The following NAV1 variants were observed in gnomAD, a reference collection of about 807,000 sequenced individuals.
The protein encoded by NAV1 is neuron navigator 1, also known as pore membrane and/or filament interacting like protein 3.
NAV1 carries 18 observed loss-of-function variants against 175.2 expected under a neutral mutation model. The observed-to-expected ratio is 0.10, with a 90% CI of 0.07 to 0.15. The LOEUF is 0.15. Among genes scored for constraint, NAV1 ranks in the 10% least tolerant of loss-of-function variants. The pLI is 1.00. For missense variants in NAV1, 1,731 were observed against 2,436.6 expected (o/e 0.71, Z 6.10); for synonymous variants, 897 against 978.7 (o/e 0.92, Z 1.56).
intron 3 of NAV1, among the ~76,000 whole-genome samples, chr1:201,726,619 G>T (rs1270187777): frequency 7.1e-6 from 1 of 141,288 alleles, no homozygotes; most frequent in African/African-American, 2.7e-5. Flanking sequence ...CTCCACTCCA[G>T]CCTGGGCAAC....
intron 15 of NAV1, among the ~76,000 whole-genome samples, chr1:201,799,592 G>T (rs188561502): frequency 6.7e-6 from 1 of 148,310 alleles, no homozygotes; most frequent in African/African-American, 2.6e-5. Context: ...AGGTGCGGTG[G>T]CTCACGCCTA....
At chr1:201,762,058 G>C (rs1448634915) in intron 3 of NAV1, among the ~76,000 whole-genome samples, 1 of 152,232 alleles carries the variant, frequency 6.6e-6, no homozygotes, top group Non-Finnish European at 1.5e-5. Flanking sequence ...TACTCAGGAA[G>C]CTGAGGTGCG....
At chr1:201,645,041 C>T (rs1330701425), upstream of NAV1, among the ~76,000 whole-genome samples, 2 of 152,050 alleles carry the variant, frequency 1.3e-5, no homozygotes, top group African/African-American at 2.4e-5. Flanking sequence ...ATTTGAGAGC[C>T]CATTACTGGG....
chr1:201,638,299 G>A (rs1223228324), intron 2 of NAV1, among the ~76,000 whole-genome samples: 1 of 152,236 alleles, frequency 6.6e-6, no homozygotes, highest in Non-Finnish European at 1.5e-5. Context: ...ATGGGGCTGA[G>A]CTATGAAGCG....
intron 1 of NAV1, among the ~76,000 whole-genome samples, chr1:201,555,342 G>GCGACC: frequency 6.6e-6 from 1 of 152,160 alleles, no homozygotes; most frequent in South Asian, 2.1e-4. Flanking sequence ...AACATTCTAT[G>GCGACC]TGACCTCGTT....
intron 1 of NAV1, among the ~76,000 whole-genome samples, chr1:201,657,715 G>A (rs1020038299): frequency 2.6e-5 from 4 of 152,182 alleles, no homozygotes; most frequent in African/African-American, 9.7e-5. Flanking sequence ...GCACTTACAA[G>A]TGAGGAAACT....
chr1:201,766,363 C>A (rs1571470705), intron 3 of NAV1, among the ~76,000 whole-genome samples: 1 of 152,154 alleles, frequency 6.6e-6, no homozygotes, highest in African/African-American at 2.4e-5. Flanking sequence ...CTCCCCCTCG[C>A]TCTTGGAGTT....
chr1:201,595,456 C>T (rs1414580736), intron 2 of NAV1, among the ~76,000 whole-genome samples: 1 of 152,232 alleles, frequency 6.6e-6, no homozygotes, highest in Non-Finnish European at 1.5e-5. Flanking sequence ...AGTGGCTATC[C>T]TTTCTTCAAG....
intron 1 of NAV1, among the ~76,000 whole-genome samples, chr1:201,628,622 C>T (rs138849413): frequency 3.7e-4 from 56 of 152,346 alleles, no homozygotes; most frequent in African/African-American, 1.3e-3. Flanking sequence ...CCCTCCCCCT[C>T]CTGCCAAGCT....
intron 3 of NAV1, among the ~76,000 whole-genome samples, chr1:201,752,351 A>C (rs1295449316): frequency 5.9e-5 from 9 of 152,172 alleles, no homozygotes; most frequent in Non-Finnish European, 1.3e-4. Flanking sequence ...ATTTCTTTGG[A>C]CAAACCTGCC....
intron 2 of NAV1, among the ~76,000 whole-genome samples, chr1:201,612,937 C>A (rs1258407382): frequency 6.6e-6 from 1 of 152,038 alleles, no homozygotes; most frequent in African/African-American, 2.4e-5. Context: ...CACCAAGGGA[C>A]ACACTTCTCT....
intron 3 of NAV1, among the ~76,000 whole-genome samples, chr1:201,765,533 G>A (rs894530997): frequency 6.6e-5 from 10 of 151,766 alleles, no homozygotes; most frequent in East Asian, 5.8e-4. Context: ...TAGCTGGGAC[G>A]ACAGGCGCGT....
chr1:201,648,763 G>C (rs1431175130), exon 1 of NAV1: 9 of 1,403,380 alleles, frequency 6.4e-6, no homozygotes, highest in Non-Finnish European at 2.8e-6. Context: ...GGCGCCGGCA[G>C]GAAGGCGGCA....
chr1:201,592,734 G>C (rs1667236156), intron 2 of NAV1, among the ~76,000 whole-genome samples: 1 of 152,100 alleles, frequency 6.6e-6, no homozygotes, highest in South Asian at 2.1e-4. Flanking sequence ...TGGGAGAAAA[G>C]CACAGGTCTT....
intron 3 of NAV1, among the ~76,000 whole-genome samples, chr1:201,779,598 CAAAAAAA>C (rs10624879): frequency 2.3e-4 from 16 of 69,072 alleles, no homozygotes; most frequent in Admixed American, 8.4e-4. Flanking sequence ...GACTCCGTCT[CAAAAAAA>C]AAAAAAAAAA....
chr1:201,786,552 T>G, exon 9 of NAV1: 1 of 1,613,776 alleles, frequency 6.2e-7, no homozygotes, highest in Non-Finnish European at 8.5e-7. Context: ...TGTCTCTGAG[T>G]GCAAAGGGCC....
chr1:201,565,871 C>T (rs1037002148), intron 1 of NAV1, among the ~76,000 whole-genome samples: 1 of 152,168 alleles, frequency 6.6e-6, no homozygotes, highest in Admixed American at 6.5e-5. Flanking sequence ...AGGCGCCAGA[C>T]ATTCCCCCAA....
At chr1:201,745,685 C>T (rs1373974867) in intron 3 of NAV1, among the ~76,000 whole-genome samples, 1 of 152,176 alleles carries the variant, frequency 6.6e-6, no homozygotes, top group Non-Finnish European at 1.5e-5. Context: ...GGCTATACAG[C>T]CACTCCTCCC....
intron 1 of NAV1, among the ~76,000 whole-genome samples, chr1:201,560,122 C>CA (rs1666154583): frequency 6.6e-6 from 1 of 152,202 alleles, no homozygotes; most frequent in South Asian, 2.1e-4. Flanking sequence ...TGGGTGGTAT[C>CA]AAAAAACTCT....
Sources: allele counts gnomAD v4.1 joint callset (sites outside exome capture counted in the v4.1 genomes callset), GRCh38; gene constraint gnomAD v4.1.1; transcripts MANE v1.5; gene names NCBI Gene and HGNC (gene_info 2026-07-23, HGNC 2026-07-21).